KCNAB2: variants seen among roughly 807,000 people sequenced by gnomAD.
KCNAB2 encodes voltage-gated potassium channel subunit beta-2.
Under a neutral mutation model 63.6 loss-of-function variants are expected in KCNAB2, and 29 were observed. The ratio of observed to expected loss-of-function variants is 0.46; its 90% CI spans 0.34 to 0.62. The LOEUF is 0.62. KCNAB2 is among the 20% of genes least tolerant of loss of function. KCNAB2 has a pLI of 0.01. For missense variants in KCNAB2, 359 were observed against 563.9 expected (o/e 0.64, Z 3.68); for synonymous variants, 222 against 224.2 (o/e 0.99, Z 0.09).
Position 6,086,063 on chromosome 1 carries a change from T to C in KCNAB2, c.425+815T>C. On this transcript the variant is annotated intron_variant, in intron 6 of 15. Transcript: ENST00000378083. This position sits in a 1 kb window ranked among gnomAD's most constrained non-coding sequence, Gnocchi z 4.2. ...CAACTGGGCTGAGCACTTGCCTACA[T>C]TTTGAGGCTCCCCAGACCCCTGGAC... 4.1e-6 allele frequency: 4 copies of C among 985,408 alleles called. No individual in the cohort carries two copies. The highest frequency in any genetic ancestry group is 4.8e-6 in the Non-Finnish European group (4 of 829,936). The allele number at this position is 985,408 out of a possible 1,614,324, so 61.0% of individuals were successfully genotyped here.
chr1:6,042,415 C>T (rs146130158), upstream of KCNAB2, among the ~76,000 whole-genome samples: 4 of 152,248 alleles, frequency 2.6e-5, no homozygotes, highest in Middle Eastern at 3.4e-3. Flanking sequence ...ATTAACAAAC[C>T]GGGCACCTGG....
At chr1:6,010,165 C>G (rs763625899) in intron 1 of KCNAB2, among the ~76,000 whole-genome samples, 16 of 152,330 alleles carry the variant, frequency 1.1e-4, no homozygotes, top group Non-Finnish European at 2.4e-4. Flanking sequence ...GTGTGAGCCA[C>G]CGTGTCCAGT....
At chr1:6,004,952 G>A (rs1291078800) in intron 1 of KCNAB2, among the ~76,000 whole-genome samples, 8 of 132,538 alleles carry the variant, frequency 6.0e-5, no homozygotes, top group Non-Finnish European at 1.3e-4. Context: ...GGAGTGGGGG[G>A]ATGTGGGAGC....
rs141723735 is a variant in KCNAB2, at chr1:5,995,064, C to T, written c.-53+2276C>T. Among the ~76,000 whole-genome samples, 64 of 152,286 alleles carry T rather than the reference C, an allele frequency of 4.2e-4. 2 individuals carry two copies. The South Asian group carries it at 7.3e-3, about 17-fold the overall frequency. ...CCAGGTGCGGTATGTGTCTGGTCCT[C>T]GGCTAAGTTCTCAGTGATATTCACG... On this transcript the variant is annotated intron_variant, in intron 1 of 16. Coordinates refer to the KCNAB2 transcript ENST00000341524.
chr1:6,095,498 A>G (rs754976144), intron 12 of KCNAB2, 32 bp from the exon 13 acceptor site: 26 of 716,690 alleles, frequency 3.6e-5, no homozygotes, highest in Non-Finnish European at 5.5e-5. Context: ...TCTCGGGCCC[A>G]GGGCTTGACT....
chr1:6,096,531 A>G lies in KCNAB2; in HGVS notation c.949-105A>G. 1 of 1,410,372 alleles carries G rather than the reference A, an allele frequency of 7.1e-7. No homozygotes were observed. The allele number at this position is 1,410,372 out of a possible 1,614,324, so 87.4% of individuals were successfully genotyped here. A position where few individuals can be genotyped will look rare whatever the true frequency, so the allele number is the denominator to read the frequency against. ...CTTCAAGATGAGAAGAGCCCCTATG[A>G]GGGAGAAGGGTCCAGAAGGAATGAG... is the stretch of plus-strand genomic sequence containing the variant. On this transcript the variant is annotated intron_variant, in intron 13 of 15. Transcript: ENST00000378083. This position sits in a 1 kb window ranked among gnomAD's most constrained non-coding sequence, Gnocchi z 5.9.
intron 2 of KCNAB2, among the ~76,000 whole-genome samples, chr1:6,061,633 A>G (rs2100593551): frequency 6.6e-6 from 1 of 152,356 alleles, no homozygotes; most frequent in South Asian, 2.1e-4. Flanking sequence ...TATGCTGCCC[A>G]GTGTTCCCTG....
At chr1:6,040,702 C>T (rs369939805) in intron 2 of KCNAB2, 32 of 1,155,446 alleles carry the variant, frequency 2.8e-5, no homozygotes, top group African/African-American at 7.6e-5. Context: ...GCTTCGAGGA[C>T]GGGTTCCCAA....
At position 6,096,863 on chromosome 1, in the gene KCNAB2, A is replaced by G; in HGVS notation, c.1069+107A>G. Reference sequence around the variant, plus strand: ...ATGGGGCCAGTGTCTCCGGGGAGAGAGGGAAGGGATCCCTGGACATCATCC... The same window carrying G: ...ATGGGGCCAGTGTCTCCGGGGAGAGGGGGAAGGGATCCCTGGACATCATCC... On this transcript the variant is annotated intron_variant, in intron 14 of 15. Coordinates refer to ENST00000378083, the MANE Select transcript of KCNAB2 (RefSeq NM_001199862.2). The surrounding 1 kb of genome is among the most constrained non-coding windows in gnomAD (Gnocchi z 5.9). 7.4e-7 allele frequency: 1 copy of G among 1,351,446 alleles called. No homozygotes were observed. Among genetic ancestry groups the G allele is most frequent in the Non-Finnish European group, 9.8e-7 (1 of 1,016,310 alleles). The allele number at this position is 1,351,446 out of a possible 1,614,324, so 83.7% of individuals were successfully genotyped here.
intron 5 of KCNAB2, among the ~76,000 whole-genome samples, chr1:6,084,742 G>A (rs1335246586): frequency 6.6e-6 from 1 of 150,510 alleles, no homozygotes; most frequent in Non-Finnish European, 1.5e-5. Flanking sequence ...CTTGAACCCA[G>A]GAGGCAGAGG....
At chr1:6,056,818 G>A (rs928438415) in intron 2 of KCNAB2, among the ~76,000 whole-genome samples, 1 of 152,102 alleles carries the variant, frequency 6.6e-6, no homozygotes, top group African/African-American at 2.4e-5. Flanking sequence ...GACGTGGCCT[G>A]GTTCCTTCCC....
At chr1:5,998,438 A>C (rs976667324) in intron 1 of KCNAB2, among the ~76,000 whole-genome samples, 1 of 152,180 alleles carries the variant, frequency 6.6e-6, no homozygotes, top group Non-Finnish European at 1.5e-5. Flanking sequence ...GCCCACTGAC[A>C]TTGAGAAGGT....
rs1280741892 is a variant in KCNAB2 at position 6,003,900 on chromosome 1, TGGTG to T, written c.-53+11114_-53+11117del. On this transcript the variant is annotated intron_variant, in intron 1 of 16. Coordinates refer to the KCNAB2 transcript ENST00000341524. The surrounding 1 kb of genome is among the most constrained non-coding windows in gnomAD (Gnocchi z 4.1). Reference sequence around the variant, plus strand: ...TATTCAGCGGGGCCTTTAATGGATGTGGTGGAGTAAAGCTGCCTTTCAAATTGCT... The same window carrying T: ...TATTCAGCGGGGCCTTTAATGGATGTGAGTAAAGCTGCCTTTCAAATTGCT... Among the ~76,000 whole-genome samples the T allele has an allele frequency of 6.6e-6, 1 of 152,246 alleles. No individual in the cohort carries two copies. The highest frequency in any genetic ancestry group is 2.4e-5 in the African/African-American group (1 of 41,470).
chr1:6,098,100 G>A (rs1353327617), intron 15 of KCNAB2: 63 of 961,192 alleles, frequency 6.6e-5, no homozygotes, highest in Non-Finnish European at 7.0e-5. Flanking sequence ...GGTGGAAGTC[G>A]GTCCCCGGGT....
At chr1:6,064,774 A>G (rs1662599474) in intron 2 of KCNAB2, among the ~76,000 whole-genome samples, 1 of 152,130 alleles carries the variant, frequency 6.6e-6, no homozygotes, top group Non-Finnish European at 1.5e-5. Context: ...GCAGGACAAG[A>G]GGGGGCCCAG....
rs1339230304 is a variant in KCNAB2 at position 6,078,499 on chromosome 1, C to T, written c.301-3696C>T. 1.3e-5 allele frequency among the ~76,000 whole-genome samples: 2 copies of T among 152,054 alleles called. No individual in the cohort carries two copies. Among genetic ancestry groups the T allele is most frequent in the Non-Finnish European group, 2.9e-5 (2 of 68,020 alleles). On this transcript the variant is annotated intron_variant, in intron 4 of 15. Transcript: ENST00000378083. This position sits in a 1 kb window ranked among gnomAD's most constrained non-coding sequence, Gnocchi z 4.2. Reference sequence around the variant, plus strand: ...AGGAAGCAGAAGCGAGCAAGGACGCCACGTGGTGGTCCAGAGAAAGAGCCT... The same window carrying T: ...AGGAAGCAGAAGCGAGCAAGGACGCTACGTGGTGGTCCAGAGAAAGAGCCT...
intron 5 of KCNAB2, 133 bp from the exon 6 acceptor site, chr1:6,085,071 C>A: frequency 2.3e-6 from 2 of 861,602 alleles, no homozygotes; most frequent in East Asian, 2.5e-5. Context: ...TGAGCCAAGG[C>A]GGGTGTTAAC....
In KCNAB2 at chr1:6,099,767, A is replaced by G; in HGVS notation, c.*1193A>G. 6.8e-7 allele frequency: 1 copy of G among 1,463,180 alleles called. No homozygotes were observed. The highest frequency in any genetic ancestry group is 9.0e-7 in the Non-Finnish European group (1 of 1,106,146). The allele number at this position is 1,463,180 out of a possible 1,614,324, so 90.6% of individuals were successfully genotyped here. A position where few individuals can be genotyped will look rare whatever the true frequency, so the allele number is the denominator to read the frequency against. ...AAGACCTCAGGGAACCTCTCCCTGG[A>G]AAGACGGGCAGGGCTGGTTAGCCCC... On this transcript the variant is annotated 3_prime_UTR_variant, in exon 16 of 16. Transcript: ENST00000378083.
intron 2 of KCNAB2, among the ~76,000 whole-genome samples, chr1:6,053,411 C>A (rs1661551849): frequency 6.6e-6 from 1 of 152,166 alleles, no homozygotes; most frequent in African/African-American, 2.4e-5. Context: ...AGCGAGCTTG[C>A]ACGGAGACAA....
Sources: gnomAD v4.1 joint callset for allele counts (sites outside exome capture counted in the v4.1 genomes callset) on GRCh38, gnomAD v4.1.1 for gene constraint, Gnocchi (gnomAD v3.1) non-coding constraint, MANE v1.5 for transcripts, NCBI Gene and HGNC (gene_info 2026-07-23, HGNC 2026-07-21) for gene names.